The following MAGI2 variants were observed in gnomAD, a reference collection of about 807,000 sequenced individuals.
MAGI2 encodes membrane associated guanylate kinase, WW and PDZ domain containing 2, also known as membrane-associated guanylate kinase, WW and PDZ domain-containing protein 2.
In MAGI2, 35 loss-of-function variants were observed where a neutral mutation model predicts 133.3. The ratio of observed to expected loss-of-function variants is 0.26; its 90% CI spans 0.20 to 0.35. The LOEUF (loss-of-function observed/expected upper bound fraction) is 0.35. Among genes scored for constraint, MAGI2 ranks in the 10% least tolerant of loss-of-function variants. The probability of loss-of-function intolerance (pLI) is 1.00; values close to 1 mark genes in which losing one functional copy is unlikely to be tolerated. For missense variants in MAGI2, 1,636 were observed against 1,863.4 expected (o/e 0.88, Z 2.25); for synonymous variants, 729 against 710.6 (o/e 1.03, Z -0.41).
At chr7:79,447,630 A>C (rs1848953282) in intron 1 of MAGI2, among the ~76,000 whole-genome samples, 1 of 151,916 alleles carries the variant, frequency 6.6e-6, no homozygotes, top group African/African-American at 2.4e-5. Flanking sequence ...TCTTTCATAC[A>C]AAGTATGAAA....
chr7:78,404,469 A>G (rs1408735347), intron 6 of MAGI2, among the ~76,000 whole-genome samples: 2 of 152,184 alleles, frequency 1.3e-5, no homozygotes, highest in South Asian at 2.1e-4. Context: ...ACCAAAACAG[A>G]CATATAGACC....
intron 1 of MAGI2, among the ~76,000 whole-genome samples, chr7:79,317,778 C>T (rs1183329796): frequency 1.3e-5 from 2 of 152,122 alleles, no homozygotes; most frequent in Non-Finnish European, 2.9e-5. Flanking sequence ...TCATTTCCTT[C>T]GCTTGCCATG....
chr7:78,345,852 T>C (rs1790850904), intron 8 of MAGI2, 70 bp downstream of exon 8: 1 of 1,591,060 alleles, frequency 6.3e-7, no homozygotes, highest in African/African-American at 1.4e-5. Context: ...GCTACAGACA[T>C]ATTTGGAAGA....
intron 6 of MAGI2, among the ~76,000 whole-genome samples, chr7:78,393,362 A>G (rs1796072434): frequency 2.6e-5 from 4 of 152,212 alleles, no homozygotes; most frequent in Admixed American, 6.5e-5. Flanking sequence ...GTGGCAGCAG[A>G]GACTGCCACA....
chr7:78,733,985 CTG>C (rs1821610107), intron 2 of MAGI2, among the ~76,000 whole-genome samples: 1 of 152,148 alleles, frequency 6.6e-6, no homozygotes, highest in South Asian at 2.1e-4. Flanking sequence ...AATTAATATA[CTG>C]TCTCAGTAAA....
chr7:79,043,364 G>T (rs1405464503), intron 1 of MAGI2, among the ~76,000 whole-genome samples: 1 of 151,566 alleles, frequency 6.6e-6, no homozygotes, highest in Non-Finnish European at 1.5e-5. Context: ...CCAACATGGT[G>T]AAACCCCGTC....
intron 6 of MAGI2, among the ~76,000 whole-genome samples, chr7:78,433,697 C>T (rs758838947): frequency 4.5e-4 from 69 of 152,192 alleles, no homozygotes; most frequent in Admixed American, 7.9e-4. Context: ...CAGTTGCAGA[C>T]ACATCTGGCT....
At chr7:78,724,413 T>C (rs1170533382) in intron 2 of MAGI2, among the ~76,000 whole-genome samples, 2 of 152,108 alleles carry the variant, frequency 1.3e-5, no homozygotes, top group Non-Finnish European at 2.9e-5. Context: ...GATGGTACCA[T>C]AGTTGTAGAT....
At chr7:78,406,867 TCCTA>T (rs1797427356) in intron 6 of MAGI2, among the ~76,000 whole-genome samples, 1 of 152,082 alleles carries the variant, frequency 6.6e-6, no homozygotes, top group African/African-American at 2.4e-5. Context: ...CTACATAGCT[TCCTA>T]AATTCATGAC....
chr7:78,649,559 T>C (rs944865644), intron 2 of MAGI2, among the ~76,000 whole-genome samples: 3 of 152,166 alleles, frequency 2.0e-5, no homozygotes, highest in Admixed American at 1.3e-4. Context: ...TGATTCAAAA[T>C]AGAAGTGAGA....
chr7:78,664,951 G>T (rs569245759), intron 2 of MAGI2, among the ~76,000 whole-genome samples: 1 of 151,884 alleles, frequency 6.6e-6, no homozygotes, highest in Non-Finnish European at 1.5e-5. Context: ...AATTTCATAC[G>T]TAGATATAAT....
At chr7:79,363,919 ATAAAC>A (rs1432662828) in intron 1 of MAGI2, among the ~76,000 whole-genome samples, 2 of 151,946 alleles carry the variant, frequency 1.3e-5, no homozygotes, top group African/African-American at 4.8e-5. Flanking sequence ...AAAATTAAAA[ATAAAC>A]TAGGCATATC....
At chr7:79,392,330 T>A (rs1844718806) in intron 1 of MAGI2, among the ~76,000 whole-genome samples, 1 of 152,230 alleles carries the variant, frequency 6.6e-6, no homozygotes, top group Non-Finnish European at 1.5e-5. Context: ...CGTGTGCATG[T>A]GTCTTTATAG....
At chr7:78,172,085 C>G (rs539087286) in intron 14 of MAGI2, among the ~76,000 whole-genome samples, 1 of 152,290 alleles carries the variant, frequency 6.6e-6, no homozygotes, top group African/African-American at 2.4e-5. Context: ...CAGAACAAAA[C>G]AGAACATTTG....
intron 16 of MAGI2, among the ~76,000 whole-genome samples, chr7:78,155,273 T>C (rs1280168278): frequency 6.6e-6 from 1 of 152,180 alleles, no homozygotes; most frequent in Non-Finnish European, 1.5e-5. Flanking sequence ...TTTTGCATAA[T>C]GGGACCAACA....
At chr7:79,062,823 A>G (rs2364341) in intron 1 of MAGI2, among the ~76,000 whole-genome samples, 119,305 of 151,984 alleles carry the variant, frequency 0.78, 47,716 homozygotes, top group Non-Finnish European at 0.87. Context: ...GCAATGAGGA[A>G]ACAGCTATTC....
At chr7:78,636,283 T>C (rs938307837) in intron 2 of MAGI2, among the ~76,000 whole-genome samples, 1 of 151,976 alleles carries the variant, frequency 6.6e-6, no homozygotes, top group East Asian at 1.9e-4. Flanking sequence ...TAAGATAACA[T>C]GTTGTCAATT....
intron 2 of MAGI2, among the ~76,000 whole-genome samples, chr7:78,822,578 A>G (rs1396097902): frequency 2.0e-5 from 3 of 152,132 alleles, no homozygotes; most frequent in African/African-American, 7.2e-5. Flanking sequence ...ACAGTTTTAA[A>G]AGACATTTTC....
intron 1 of MAGI2, among the ~76,000 whole-genome samples, chr7:79,098,274 C>T (rs1817681379): frequency 1.3e-5 from 2 of 152,134 alleles, no homozygotes; most frequent in African/African-American, 2.4e-5. Context: ...GCCAGTTTTC[C>T]TGGTATCTTA....
Sources: gnomAD v4.1 joint callset for allele counts (sites outside exome capture counted in the v4.1 genomes callset) on GRCh38, gnomAD v4.1.1 for gene constraint, MANE v1.5 for transcripts, NCBI Gene and HGNC (gene_info 2026-07-23, HGNC 2026-07-21) for gene names.